Variants in UNKL observed in about 807,000 individuals in gnomAD.
UNKL encodes putative E3 ubiquitin-protein ligase UNKL.
A neutral mutation model predicts 78.0 loss-of-function variants in UNKL; 60 were observed. The ratio of observed to expected loss-of-function variants is 0.77; its 90% CI spans 0.63 to 0.95. UNKL has a LOEUF of 0.95. Ranked by LOEUF, UNKL falls within the 40% of genes least tolerant of loss-of-function variation. The pLI is 0.00. For synonymous variants in UNKL, 608 were observed against 474.8 expected (o/e 1.28, Z -3.65); for missense variants, 1,159 against 1,045.7 (o/e 1.11, Z -1.49).
intron 11 of UNKL, among the ~76,000 whole-genome samples, chr16:1,371,118 G>C (rs1453131088): frequency 6.6e-6 from 1 of 151,890 alleles, no homozygotes; most frequent in Non-Finnish European, 1.5e-5. Flanking sequence ...CATTTGTATG[G>C]ATGTCAATCT....
chr16:1,382,811 G>T (rs757761665), intron 10 of UNKL, among the ~76,000 whole-genome samples: 1 of 151,544 alleles, frequency 6.6e-6, no homozygotes, highest in Non-Finnish European at 1.5e-5. Flanking sequence ...CACAAAAAAC[G>T]GCCAGGTGTG....
chr16:1,376,211 G>C (rs1198231063), intron 10 of UNKL, among the ~76,000 whole-genome samples: 40 of 144,706 alleles, frequency 2.8e-4, no homozygotes. Context: ...TCACTCCAAG[G>C]CTGGGGCATG....
chr16:1,405,883 C>A, intron 2 of UNKL: 1 of 453,970 alleles, frequency 2.2e-6, no homozygotes, highest in Non-Finnish European at 4.4e-6. Flanking sequence ...CAAGAAGCTG[C>A]CCTTCCCTCA....
intron 10 of UNKL, among the ~76,000 whole-genome samples, chr16:1,380,836 A>AGCTAATT (rs1315943804): frequency 1.3e-4 from 20 of 152,168 alleles, no homozygotes; most frequent in African/African-American, 4.6e-4. Flanking sequence ...CACCACACCC[A>AGCTAATT]GCTAATTTTT....
chr16:1,405,820 A>T (rs1317908785), intron 2 of UNKL: 2 of 385,124 alleles, frequency 5.2e-6, no homozygotes, highest in Non-Finnish European at 1.1e-5. Flanking sequence ...TCACGCTCCA[A>T]TGCCCTGGAC....
At position 1,387,519 on chromosome 16, in the gene UNKL, G is replaced by C. The variant is rs552594437; in HGVS notation, c.1087-2134C>G. On this transcript the variant is annotated intron_variant, in intron 9 of 14. Coordinates refer to ENST00000389221, the MANE Select transcript of UNKL (RefSeq NM_001372107.1). The surrounding 1 kb of genome is among the most constrained non-coding windows in gnomAD (Gnocchi z 4.1). ...CACACCTGGGAGCTCCTTGTACCCC[G>C]ATGGCTTGGATCGGGGAGGGAGCCG... 2.0e-5 allele frequency among the ~76,000 whole-genome samples: 3 copies of C among 152,152 alleles called. No homozygotes were observed. Among genetic ancestry groups the C allele is most frequent in the Admixed American group, 6.5e-5 (1 of 15,278 alleles).
chr16:1,380,945 G>C (rs909619682), intron 10 of UNKL, among the ~76,000 whole-genome samples: 1 of 152,162 alleles, frequency 6.6e-6, no homozygotes, highest in Non-Finnish European at 1.5e-5. Flanking sequence ...AAAGTGCTGG[G>C]ATTACAGGCG....
At position 1,367,089 on chromosome 16, in the gene UNKL, C is replaced by T; in HGVS notation, c.2046+3G>A. 1 of 1,547,754 alleles carries T rather than the reference C, an allele frequency of 6.5e-7. No homozygotes were observed. ...CCCTCACCCTGCCCAGAGCAGGACT[C>T]ACGCCGTCCACCGCCTCCAGGTCCA... On this transcript the variant is annotated splice_donor_region_variant and intron_variant, in intron 14 of 14. Coordinates refer to ENST00000389221, the MANE Select transcript of UNKL (RefSeq NM_001372107.1).
intron 11 of UNKL, 150 bp from the exon 12 acceptor site, chr16:1,370,507 C>A: frequency 7.6e-7 from 1 of 1,318,592 alleles, no homozygotes; most frequent in Non-Finnish European, 1.0e-6. Flanking sequence ...CAGCCACCAC[C>A]ATCTATGTGT....
intron 7 of UNKL, 71 bp downstream of exon 7, chr16:1,394,060 G>A (rs986979608): frequency 6.8e-7 from 1 of 1,477,126 alleles, no homozygotes; most frequent in Non-Finnish European, 9.2e-7. Flanking sequence ...CGGGTCATCG[G>A]TAACTCCAGT....
rs965290433 is a variant in UNKL, at chr16:1,389,295, G to C, written c.1086+1337C>G. The stretch of plus-strand genomic sequence containing the variant: ...CTGTGAGGAGTAATTAAGGTGAAAT[G>C]AGTTCTTACTCCAGGCGTGGAGGCT... On this transcript the variant is annotated intron_variant, in intron 9 of 14. Coordinates refer to ENST00000389221, the MANE Select transcript of UNKL (RefSeq NM_001372107.1). Among the ~76,000 whole-genome samples the C allele has an allele frequency of 1.3e-5, 2 of 152,146 alleles. 1 individual carries two copies. The highest frequency in any genetic ancestry group is 4.8e-5 in the African/African-American group (2 of 41,416).
At chr16:1,369,449 A>G (rs1274676579) in intron 12 of UNKL, among the ~76,000 whole-genome samples, 14 of 147,758 alleles carry the variant, frequency 9.5e-5, no homozygotes, top group Non-Finnish European at 2.1e-4. Flanking sequence ...AGCTCACTGC[A>G]AACTCCACCT....
At chr16:1,389,018 C>T (rs377157346) in intron 9 of UNKL, among the ~76,000 whole-genome samples, 3 of 152,360 alleles carry the variant, frequency 2.0e-5, no homozygotes, top group South Asian at 2.1e-4. Flanking sequence ...CCTCATCTTC[C>T]AGCCGGAAGC....
At chr16:1,407,887 A>G (rs1242036654) in intron 2 of UNKL, among the ~76,000 whole-genome samples, 2 of 152,016 alleles carry the variant, frequency 1.3e-5, no homozygotes, top group African/African-American at 4.8e-5. Context: ...GCTGCAGGCC[A>G]CGTGTATTTT....
intron 4 of UNKL, among the ~76,000 whole-genome samples, chr16:1,400,594 G>C (rs963674729): frequency 6.6e-6 from 1 of 152,068 alleles, no homozygotes; most frequent in African/African-American, 2.4e-5. Flanking sequence ...GAATGTTCTG[G>C]AACTAGAGAG....
intron 10 of UNKL, among the ~76,000 whole-genome samples, chr16:1,372,387 G>A (rs541145008): frequency 2.3e-4 from 35 of 152,302 alleles, no homozygotes; most frequent in African/African-American, 6.7e-4. Context: ...AGACTGAGTG[G>A]GAAGGACCCG....
chr16:1,371,037 C>A (rs1379538473), intron 11 of UNKL, among the ~76,000 whole-genome samples: 1 of 147,326 alleles, frequency 6.8e-6, no homozygotes, highest in African/African-American at 2.5e-5. Context: ...GAGCGGAGAT[C>A]GCGCCACTGC....
In UNKL at chr16:1,392,898, G is replaced by A. The variant is rs758852068; in HGVS notation, c.1016C>T (p.Pro339Leu). 16 of 1,550,594 alleles carry A rather than the reference G, an allele frequency of 1.0e-5. No homozygotes were observed. Among genetic ancestry groups the A allele is most frequent in the South Asian group, 5.9e-5 (5 of 84,070 alleles). The change falls in exon 8 of 15, where the codon CCG becomes CTG. Residue 339 changes from proline to leucine, a missense_variant. By Grantham distance (98) the Pro-to-Leu change is moderately conservative (BLOSUM62 -3). Transcript: ENST00000389221. ...GGAAGGCCGTTCACTTACATTTCCC[G>A]GCTGGCCGCTGCCCGTGGAGGAAGG... ...TSPSSTGSGQ[P>L]GNAKRRDSPA...
rs567723399 is a variant in UNKL, at chr16:1,385,242, G to A, written c.1230C>T (p.Leu410=). ...CCTCCACAGTGCTGCTGGCGGGGCC[G>A]AGCGGGAGGGCACGGGCGGGGGGCG... The part of the protein sequence containing the change: ...LPAPPARALP[L]GPASSTVEAV... Residue 410 remains leucine (L), a synonymous_variant, in exon 10 of 15, where the codon CTC becomes CTT. Coordinates refer to ENST00000389221, the MANE Select transcript of UNKL (RefSeq NM_001372107.1). 1.7e-4 allele frequency: 221 copies of A among 1,308,892 alleles called. 1 individual carries two copies. The African/African-American group carries it at 2.8e-3, about 17-fold the overall frequency. The allele number at this position is 1,308,892 out of a possible 1,614,324, so 81.1% of individuals were successfully genotyped here. A position where few individuals can be genotyped will look rare whatever the true frequency, so the allele number is the denominator to read the frequency against.
Sources: allele counts gnomAD v4.1 joint callset (sites outside exome capture counted in the v4.1 genomes callset), GRCh38; gene constraint gnomAD v4.1.1; non-coding constraint Gnocchi (gnomAD v3.1); transcripts MANE v1.5; gene names NCBI Gene and HGNC (gene_info 2026-07-23, HGNC 2026-07-21).